The following TOX2 variants were observed in gnomAD, a reference collection of about 807,000 sequenced individuals.
TOX2 encodes the protein TOX high mobility group box family member 2, also known as granulosa cell HMG box 1.
Under a neutral mutation model 47.4 loss-of-function variants are expected in TOX2, and 15 were observed. The ratio of observed to expected loss-of-function variants is 0.32; its 90% CI spans 0.21 to 0.49. The LOEUF (loss-of-function observed/expected upper bound fraction) is 0.49. Ranked by LOEUF, TOX2 falls within the 20% of genes least tolerant of loss-of-function variation. TOX2 has a pLI of 0.99. For synonymous variants in TOX2, 290 were observed against 296.6 expected (o/e 0.98, Z 0.23); for missense variants, 622 against 673.1 (o/e 0.92, Z 0.84).
Position 43,916,232 on chromosome 20 carries a change from A to G in TOX2, c.99+1242A>G. ...GGGTGAGTGCGCGTCCAGTGGCTGGATCGGCGCCCCCCAGGGTCTCTCCCC... is the reference window on the plus strand; with the variant it reads ...GGGTGAGTGCGCGTCCAGTGGCTGGGTCGGCGCCCCCCAGGGTCTCTCCCC... On this transcript the variant is annotated intron_variant, in intron 1 of 8. Transcript: ENST00000341197. The surrounding 1 kb of genome is among the most constrained non-coding windows in gnomAD (Gnocchi z 5.0). The G allele has an allele frequency of 1.3e-5, 13 of 985,464 alleles. No individual in the cohort carries two copies. The highest frequency in any genetic ancestry group is 1.6e-5 in the Non-Finnish European group (13 of 829,990). 61.0% of individuals were successfully genotyped at this position (985,464 alleles called of 1,614,324 possible). A position where few individuals can be genotyped will look rare whatever the true frequency, so the allele number is the denominator to read the frequency against.
At chr20:44,041,026 G>T (rs1284708287) in intron 3 of TOX2, among the ~76,000 whole-genome samples, 1 of 152,206 alleles carries the variant, frequency 6.6e-6, no homozygotes, top group Non-Finnish European at 1.5e-5. Flanking sequence ...TGTGAAGGTT[G>T]TTTACTGAGG....
chr20:43,919,495 T>G (rs1384935418), intron 1 of TOX2, among the ~76,000 whole-genome samples: 1 of 152,134 alleles, frequency 6.6e-6, no homozygotes, highest in Non-Finnish European at 1.5e-5. Flanking sequence ...ACATGAAGAA[T>G]CAGCTGGCAA....
At chr20:44,068,602 C>A (rs1240778869) in intron 8 of TOX2, 48 bp from the exon 9 acceptor site, 1 of 1,585,664 alleles carries the variant, frequency 6.3e-7, no homozygotes, top group South Asian at 1.2e-5. Flanking sequence ...GCTCCCCTGG[C>A]CCGGAGAGGT....
intron 2 of TOX2, among the ~76,000 whole-genome samples, chr20:43,976,325 G>C (rs1423827731): frequency 2.6e-5 from 4 of 152,208 alleles, no homozygotes; most frequent in African/African-American, 9.6e-5. Flanking sequence ...GGTATGGGAG[G>C]CTCACCTGTG....
intron 1 of TOX2, among the ~76,000 whole-genome samples, chr20:43,919,631 C>T (rs1041777635): frequency 2.0e-5 from 3 of 152,152 alleles, no homozygotes. Context: ...GAGTTAAGCC[C>T]CGCATGCATT....
intron 1 of TOX2, among the ~76,000 whole-genome samples, chr20:43,937,329 G>A (rs2069339167): frequency 6.6e-6 from 1 of 152,170 alleles, no homozygotes; most frequent in Non-Finnish European, 1.5e-5. Flanking sequence ...ATTTCCGTGC[G>A]ATGCAGTCTC....
At chr20:43,955,684 A>G (rs532574037) in intron 1 of TOX2, among the ~76,000 whole-genome samples, 1 of 152,172 alleles carries the variant, frequency 6.6e-6, no homozygotes, top group African/African-American at 2.4e-5. Flanking sequence ...ATTCTGCATA[A>G]CATGCTGGGG....
intron 1 of TOX2, among the ~76,000 whole-genome samples, chr20:43,963,490 TG>T (rs1036240705): frequency 2.6e-5 from 4 of 152,064 alleles, no homozygotes; most frequent in Non-Finnish European, 5.9e-5. Context: ...TTGGAGGCAG[TG>T]GGGGTGGGAA....
intron 1 of TOX2, among the ~76,000 whole-genome samples, chr20:43,957,806 C>T (rs898597400): frequency 7.2e-5 from 11 of 152,132 alleles, no homozygotes; most frequent in Non-Finnish European, 4.4e-5. Flanking sequence ...AGAAAACTTA[C>T]AACCGTGGCA....
chr20:44,062,030 G>A (rs1363771740), intron 5 of TOX2, among the ~76,000 whole-genome samples: 1 of 151,692 alleles, frequency 6.6e-6, no homozygotes, highest in Non-Finnish European at 1.5e-5. Flanking sequence ...CACTGAATGG[G>A]GAAAAGTTGA....
chr20:43,968,483 C>G (rs1464475713), intron 1 of TOX2, among the ~76,000 whole-genome samples: 2 of 151,970 alleles, frequency 1.3e-5, no homozygotes, highest in South Asian at 2.1e-4. Context: ...GAATAGGGGC[C>G]GAGGAGCTCT....
chr20:43,955,740 C>T (rs1389354495), intron 1 of TOX2, among the ~76,000 whole-genome samples: 1 of 152,158 alleles, frequency 6.6e-6, no homozygotes, highest in Non-Finnish European at 1.5e-5. Flanking sequence ...TCATTCTAGC[C>T]ATCAGTATAA....
intron 3 of TOX2, among the ~76,000 whole-genome samples, chr20:44,010,626 C>T (rs943338410): frequency 1.3e-5 from 2 of 152,118 alleles, no homozygotes; most frequent in Admixed American, 6.5e-5. Context: ...TCTGTGTGTG[C>T]GTGGGCATAC....
chr20:43,949,969 C>T (rs1317313188), intron 1 of TOX2, among the ~76,000 whole-genome samples: 1 of 152,142 alleles, frequency 6.6e-6, no homozygotes, highest in Admixed American at 6.6e-5. Flanking sequence ...CCTAGACAGA[C>T]TGGAATAGGA....
At chr20:44,030,478 A>C (rs1399100262) in intron 3 of TOX2, among the ~76,000 whole-genome samples, 1 of 152,106 alleles carries the variant, frequency 6.6e-6, no homozygotes, top group Non-Finnish European at 1.5e-5. Context: ...TTCAAGGCCC[A>C]CCCAGCCTGG....
At chr20:43,928,493 T>C (rs2069206933) in intron 1 of TOX2, among the ~76,000 whole-genome samples, 1 of 152,252 alleles carries the variant, frequency 6.6e-6, no homozygotes, top group African/African-American at 2.4e-5. Flanking sequence ...ACTAAATGTC[T>C]GCATGCCGAC....
At chr20:44,059,243 C>G (rs1600798502) in intron 5 of TOX2, among the ~76,000 whole-genome samples, 1 of 152,238 alleles carries the variant, frequency 6.6e-6, no homozygotes, top group East Asian at 1.9e-4. Context: ...GAAGTCTCAG[C>G]AACTGAATTG....
intron 5 of TOX2, 46 bp from the exon 6 acceptor site, chr20:44,064,731 C>T: frequency 6.3e-7 from 1 of 1,587,590 alleles, no homozygotes. Context: ...ACGGCATCTC[C>T]TCTGTAACTT....
chr20:44,010,547 G>T (rs59534394), intron 3 of TOX2, among the ~76,000 whole-genome samples: 1,763 of 152,308 alleles, frequency 0.012, 33 homozygotes, highest in African/African-American at 0.04. Flanking sequence ...ATCTGGTGAA[G>T]AGAGACAAGG....
Sources: allele counts gnomAD v4.1 joint callset (sites outside exome capture counted in the v4.1 genomes callset), GRCh38; gene constraint gnomAD v4.1.1; non-coding constraint Gnocchi (gnomAD v3.1); transcripts MANE v1.5; gene names NCBI Gene and HGNC (gene_info 2026-07-23, HGNC 2026-07-21).